Variants in LAD1 observed in about 807,000 individuals in gnomAD.
LAD1 encodes the protein ladinin 1.
In LAD1, 53 loss-of-function variants were observed where a neutral mutation model predicts 54.2. The ratio of observed to expected loss-of-function variants is 0.98; its 90% CI spans 0.78 to 1.23. LAD1 has a LOEUF of 1.23. LAD1 is among the 50% of genes most tolerant of loss of function. The probability of loss-of-function intolerance (pLI) is 0.00; values close to 1 mark genes in which losing one functional copy is unlikely to be tolerated. For synonymous variants in LAD1, 231 were observed against 257.7 expected (o/e 0.90, Z 0.99); for missense variants, 637 against 653.3 (o/e 0.98, Z 0.27).
intron 9 of LAD1, 103 bp from the exon 10 acceptor site, chr1:201,381,996 C>G: frequency 7.9e-7 from 1 of 1,262,782 alleles, no homozygotes; most frequent in Non-Finnish European, 1.1e-6. Flanking sequence ...AGCCCCACAC[C>G]CACAAGGAGT....
chr1:201,384,849 G>A lies in LAD1; in HGVS notation c.1132-14C>T. ...CTTGGGTTTCATCTGAAATGAGAAG[G>A]AAAGGCATTGTTGTGTGGGAGTCCC... On this transcript the variant is annotated splice_polypyrimidine_tract_variant and intron_variant, in intron 4 of 9. Coordinates refer to ENST00000391967, the MANE Select transcript of LAD1 (RefSeq NM_005558.4). The A allele has an allele frequency of 6.2e-7, 1 of 1,613,756 alleles. No individual in the cohort carries two copies. Among genetic ancestry groups the A allele is most frequent in the Non-Finnish European group, 8.5e-7 (1 of 1,179,974 alleles).
rs777005674 is a variant in LAD1, at chr1:201,383,096, G to T, written c.1364C>A (p.Ala455Glu). The T allele has an allele frequency of 6.2e-7, 1 of 1,613,792 alleles. No individual in the cohort carries two copies. Among genetic ancestry groups the T allele is most frequent in the Non-Finnish European group, 8.5e-7 (1 of 1,179,838 alleles). The change falls in exon 7 of 10, where the codon GCA (alanine) becomes GAA (glutamate). Residue 455 changes from alanine to glutamate, a missense_variant. Coordinates refer to ENST00000391967, the MANE Select transcript of LAD1 (RefSeq NM_005558.4). Reference protein sequence around the residue: ...FEKELAGQSRAEPASSRKENL... With the variant: ...FEKELAGQSREEPASSRKENL... The stretch of plus-strand genomic sequence containing the variant: ...CACCTTCCGGCTGGAGGCTGGTTCT[G>T]CTCGGCTCTGGCCCGCCAGTTCCTT...
At chr1:201,397,275 G>A (rs1227509700) in intron 1 of LAD1, 1 of 152,564 alleles carries the variant, frequency 6.6e-6, no homozygotes, top group Non-Finnish European at 1.5e-5. Flanking sequence ...AGGGAGCGGA[G>A]CGGGAGCGGT....
intron 3 of LAD1, among the ~76,000 whole-genome samples, 179 bp from the exon 4 acceptor site, chr1:201,385,984 G>A (rs1265168550): frequency 6.6e-6 from 1 of 152,136 alleles, no homozygotes; most frequent in East Asian, 1.9e-4. Flanking sequence ...AGTCCCTTGG[G>A]GCCAGGGCAC....
intron 1 of LAD1, among the ~76,000 whole-genome samples, chr1:201,390,351 C>G (rs576324422): frequency 4.5e-4 from 67 of 149,880 alleles, no homozygotes; most frequent in African/African-American, 1.6e-3. Flanking sequence ...TTGGTGAAAC[C>G]CTGTCTCTAC....
At chr1:201,393,939 G>A (rs1332144304) in intron 1 of LAD1, among the ~76,000 whole-genome samples, 1 of 146,616 alleles carries the variant, frequency 6.8e-6, no homozygotes, top group Non-Finnish European at 1.5e-5. Flanking sequence ...GGCTGGGCAT[G>A]GTGGCTCACG....
At chr1:201,382,805 C>T in intron 7 of LAD1, 66 bp from the exon 8 acceptor site, 2 of 1,280,616 alleles carry the variant, frequency 1.6e-6, no homozygotes, top group Non-Finnish European at 1.1e-6. Flanking sequence ...GTTCAGAGGC[C>T]CTGGAATGGG....
intron 1 of LAD1, among the ~76,000 whole-genome samples, chr1:201,395,108 C>T (rs1428284775): frequency 2.6e-5 from 4 of 152,196 alleles, no homozygotes; most frequent in Admixed American, 6.5e-5. Flanking sequence ...ATGTGGCCAC[C>T]GCCCCTGCTG....
At chr1:201,396,503 A>T (rs1409389300) in intron 1 of LAD1, among the ~76,000 whole-genome samples, 1 of 152,320 alleles carries the variant, frequency 6.6e-6, no homozygotes, top group African/African-American at 2.4e-5. Flanking sequence ...GTTAAAAGTC[A>T]TATTTAGCAG....
At chr1:201,394,940 G>T (rs1662262861) in intron 1 of LAD1, among the ~76,000 whole-genome samples, 1 of 152,196 alleles carries the variant, frequency 6.6e-6, no homozygotes, top group African/African-American at 2.4e-5. Flanking sequence ...TGGGGAAGTG[G>T]CCTATTTGTT....
At chr1:201,384,974 C>A (rs34070820) in intron 4 of LAD1, 139 bp from the exon 5 acceptor site, 1 of 733,854 alleles carries the variant, frequency 1.4e-6, no homozygotes, top group East Asian at 2.6e-5. Flanking sequence ...TCAACCCCAC[C>A]AAAGAAATAT....
intron 2 of LAD1, among the ~76,000 whole-genome samples, chr1:201,388,681 C>CCAA (rs1553292169): frequency 1.0e-4 from 11 of 107,766 alleles, no homozygotes; most frequent in African/African-American, 4.0e-4. Flanking sequence ...GACTTCGTCT[C>CCAA]AAAAAAAAAA....
intron 1 of LAD1, among the ~76,000 whole-genome samples, chr1:201,394,376 C>A (rs1662250635): frequency 6.6e-6 from 1 of 152,278 alleles, no homozygotes; most frequent in African/African-American, 2.4e-5. Context: ...CCTTCCAGAC[C>A]CTCCCAATTC....
intron 1 of LAD1, among the ~76,000 whole-genome samples, chr1:201,396,106 C>A (rs550173613): frequency 2.2e-4 from 34 of 152,316 alleles, no homozygotes; most frequent in Non-Finnish European, 1.3e-4. Context: ...GACCTTCAAG[C>A]CCCAGAGCCA....
chr1:201,387,194 G>C lies in LAD1; in HGVS notation c.183-16C>G. The C allele has an allele frequency of 6.7e-7, 1 of 1,492,582 alleles. No individual in the cohort carries two copies. The highest frequency in any genetic ancestry group is 8.9e-7 in the Non-Finnish European group (1 of 1,123,418). 92.5% of individuals were successfully genotyped at this position (1,492,582 alleles called of 1,614,324 possible). A position where few individuals can be genotyped will look rare whatever the true frequency, so the allele number is the denominator to read the frequency against. On this transcript the variant is annotated splice_polypyrimidine_tract_variant and intron_variant, in intron 2 of 9. Transcript: ENST00000391967. The stretch of plus-strand genomic sequence containing the variant: ...GCTCGGTAGTCTGAATCAGAAGATG[G>C]GAGACAGAATCAGAGGATAGAGGTG...
At chr1:201,382,367 A>C in intron 8 of LAD1, 41 bp from the exon 9 acceptor site, 1 of 1,483,622 alleles carries the variant, frequency 6.7e-7, no homozygotes, top group Non-Finnish European at 9.4e-7. Context: ...GACTAAGACC[A>C]GGCTCCAAAG....
At chr1:201,398,040 G>A (rs1426444963) in intron 1 of LAD1, among the ~76,000 whole-genome samples, 1 of 152,120 alleles carries the variant, frequency 6.6e-6, no homozygotes, top group Non-Finnish European at 1.5e-5. Context: ...CCCCTCTCTA[G>A]AGCCCATGGG....
intron 4 of LAD1, 80 bp downstream of exon 4, chr1:201,385,621 G>A (rs1239271124): frequency 6.8e-6 from 7 of 1,033,940 alleles, no homozygotes; most frequent in South Asian, 3.8e-5. Flanking sequence ...CCTAACCTAC[G>A]GCTCCTATGT....
chr1:201,385,782 T>G lies in LAD1; in HGVS notation c.1050A>C (p.Glu350Asp). Reference sequence around the variant, plus strand: ...GTGTGGGTGAGGACATATCTGCCTCTTCCTCCTTGCTGGGGATTTTCACCT... The same window carrying G: ...GTGTGGGTGAGGACATATCTGCCTCGTCCTCCTTGCTGGGGATTTTCACCT... ...TLQVKIPSKE[E>D]EADMSSPTQR... Residue 350 changes from glutamate to aspartate, a missense_variant, in exon 4 of 10, where the codon GAA becomes GAC. By Grantham distance (45) the Glu-to-Asp change is conservative. Transcript: ENST00000391967. 2.5e-6 allele frequency: 4 copies of G among 1,614,028 alleles called. No homozygotes were observed. The highest frequency in any genetic ancestry group is 2.5e-6 in the Non-Finnish European group (3 of 1,179,890).
Sources: allele counts gnomAD v4.1 joint callset (sites outside exome capture counted in the v4.1 genomes callset), GRCh38; gene constraint gnomAD v4.1.1; transcripts MANE v1.5; gene names NCBI Gene and HGNC (gene_info 2026-07-23, HGNC 2026-07-21).